The following RBFOX1 variants were observed in gnomAD, a reference collection of about 807,000 sequenced individuals.
RBFOX1 encodes RNA binding fox-1 homolog 1.
In RBFOX1, 8 loss-of-function variants were observed where a neutral mutation model predicts 57.7. The ratio of observed to expected loss-of-function variants is 0.14; its 90% CI spans 0.08 to 0.25. RBFOX1 has a LOEUF of 0.25. Among genes scored for constraint, RBFOX1 ranks in the 10% least tolerant of loss-of-function variants. The probability of loss-of-function intolerance (pLI) is 1.00; values close to 1 mark genes in which losing one functional copy is unlikely to be tolerated. For synonymous variants in RBFOX1, 326 were observed against 222.4 expected, an observed-to-expected ratio of 1.47 and a Z score of -4.15; for missense variants, 611 against 548.5, an observed-to-expected ratio of 1.11 and a Z score of -1.14.
At chr16:6,657,766 G>T (rs972654683) in intron 3 of RBFOX1, among the ~76,000 whole-genome samples, 2 of 152,112 alleles carry the variant, frequency 1.3e-5, no homozygotes, top group Non-Finnish European at 2.9e-5. Context: ...GGCCTATGTG[G>T]ATTTTTACGA....
intron 3 of RBFOX1, among the ~76,000 whole-genome samples, chr16:5,862,759 G>C (rs886425908): frequency 6.6e-6 from 1 of 152,078 alleles, no homozygotes; most frequent in Non-Finnish European, 1.5e-5. Flanking sequence ...AGTTGTTTTT[G>C]TGTCATGTTT....
chr16:6,966,867 CTATCCATG>C (rs949037169), intron 3 of RBFOX1, among the ~76,000 whole-genome samples: 4 of 150,762 alleles, frequency 2.7e-5, no homozygotes, highest in Middle Eastern at 3.2e-3. Context: ...ACACATCCAT[CTATCCATG>C]TATCCATCTA....
chr16:7,271,760 C>A (rs529046927), intron 4 of RBFOX1, among the ~76,000 whole-genome samples: 1 of 152,022 alleles, frequency 6.6e-6, no homozygotes, highest in South Asian at 2.1e-4. Flanking sequence ...CACAGTAGTT[C>A]TCTGTATCCA....
chr16:7,359,353 C>T (rs1444890785), intron 4 of RBFOX1, among the ~76,000 whole-genome samples: 1 of 151,876 alleles, frequency 6.6e-6, no homozygotes. Context: ...TGTTATATGC[C>T]ATCTAATTGT....
chr16:5,915,062 G>T (rs1451823370), intron 4 of RBFOX1, among the ~76,000 whole-genome samples: 1 of 152,152 alleles, frequency 6.6e-6, no homozygotes, highest in African/African-American at 2.4e-5. Context: ...CAAGGGGAGG[G>T]TGTTACACAG....
intron 2 of RBFOX1, among the ~76,000 whole-genome samples, chr16:5,542,482 C>A (rs559297250): frequency 4.6e-5 from 7 of 151,174 alleles, no homozygotes; most frequent in African/African-American, 1.5e-4. Flanking sequence ...TGGTCTCAAA[C>A]TCCTGACCTT....
chr16:7,584,627 G>T (rs1372928082), intron 6 of RBFOX1, among the ~76,000 whole-genome samples: 1 of 152,160 alleles, frequency 6.6e-6, no homozygotes, highest in African/African-American at 2.4e-5. Flanking sequence ...GAGAAACTTT[G>T]TGTGGATTTG....
At chr16:7,697,499 C>T (rs755170139) in intron 14 of RBFOX1, among the ~76,000 whole-genome samples, 2 of 127,028 alleles carry the variant, frequency 1.6e-5, no homozygotes, top group Non-Finnish European at 3.4e-5. Flanking sequence ...ATTATGTGTG[C>T]TAGTATGATA....
intron 4 of RBFOX1, among the ~76,000 whole-genome samples, chr16:7,089,218 G>A (rs915611059): frequency 6.6e-6 from 1 of 152,048 alleles, no homozygotes; most frequent in South Asian, 2.1e-4. Context: ...TCATTTCAGG[G>A]CAAGTTTTCT....
intron 4 of RBFOX1, among the ~76,000 whole-genome samples, chr16:7,173,954 T>C (rs2081194794): frequency 6.6e-6 from 1 of 152,178 alleles, no homozygotes; most frequent in Non-Finnish European, 1.5e-5. Flanking sequence ...AGAAACGAAA[T>C]GAAAGACAAA....
At chr16:7,550,032 C>T (rs772829852) in intron 5 of RBFOX1, among the ~76,000 whole-genome samples, 20 of 152,196 alleles carry the variant, frequency 1.3e-4, no homozygotes, top group Non-Finnish European at 2.5e-4. Flanking sequence ...TGGGCTCAAG[C>T]GATTGTCCCA....
rs11077170 is a variant in RBFOX1, at chr16:7,298,648, T to C, written c.28-219499T>C. Among the ~76,000 whole-genome samples, 702 of 152,328 alleles carry C rather than the reference T, an allele frequency of 4.6e-3. 5 individuals carry two copies. In the Middle Eastern group the frequency reaches 0.075, roughly 16 times the overall value. The stretch of plus-strand genomic sequence containing the variant: ...AAACTATGATTAGCCCACTATCGAC[T>C]CAAAGCCAACAGTGGATTAAAACGT... On this transcript the variant is annotated intron_variant, in intron 4 of 15. Coordinates refer to ENST00000550418, the MANE Select transcript of RBFOX1 (RefSeq NM_018723.4).
chr16:5,266,411 G>C (rs1449713373), intron 1 of RBFOX1, among the ~76,000 whole-genome samples: 4 of 152,160 alleles, frequency 2.6e-5, no homozygotes, highest in African/African-American at 9.7e-5. Context: ...CTCTCATAAA[G>C]GACAATGTCA....
intron 3 of RBFOX1, among the ~76,000 whole-genome samples, chr16:6,948,674 G>A (rs1197610499): frequency 2.0e-5 from 3 of 151,964 alleles, no homozygotes; most frequent in Non-Finnish European, 2.9e-5. Flanking sequence ...GAGCCACCAC[G>A]CCTGGCGTTG....
At chr16:6,692,269 T>G (rs937074057) in intron 3 of RBFOX1, among the ~76,000 whole-genome samples, 2 of 151,626 alleles carry the variant, frequency 1.3e-5, no homozygotes, top group African/African-American at 4.8e-5. Context: ...TAAACGTGTG[T>G]CTGAGCTGTG....
intron 2 of RBFOX1, among the ~76,000 whole-genome samples, chr16:6,547,001 G>A (rs1486647540): frequency 6.6e-6 from 1 of 152,180 alleles, no homozygotes; most frequent in African/African-American, 2.4e-5. Context: ...CTCAAAGTGA[G>A]CTTAGCCAGG....
intron 3 of RBFOX1, among the ~76,000 whole-genome samples, chr16:6,811,156 A>G (rs1057235550): frequency 2.0e-5 from 3 of 152,218 alleles, no homozygotes; most frequent in Non-Finnish European, 4.4e-5. Context: ...CCAATTCTGA[A>G]GGAAGAATTA....
chr16:6,921,104 C>T (rs1311589695), intron 3 of RBFOX1, among the ~76,000 whole-genome samples: 1 of 152,136 alleles, frequency 6.6e-6, no homozygotes, highest in East Asian at 1.9e-4. Context: ...AGCTTTGTGA[C>T]CATTGATAAG....
chr16:7,502,889 G>A (rs141259167), intron 4 of RBFOX1, among the ~76,000 whole-genome samples: 2 of 152,206 alleles, frequency 1.3e-5, no homozygotes, highest in African/African-American at 4.8e-5. Flanking sequence ...CAAGTGTGGT[G>A]GCAGGTGCCT....
Sources: allele counts gnomAD v4.1 joint callset (sites outside exome capture counted in the v4.1 genomes callset), GRCh38; gene constraint gnomAD v4.1.1; transcripts MANE v1.5; gene names NCBI Gene and HGNC (gene_info 2026-07-23, HGNC 2026-07-21).